PHF7: variants seen among roughly 807,000 people sequenced by gnomAD.
The protein encoded by PHF7 is E3 ubiquitin-protein ligase PHF7.
A neutral mutation model predicts 47.5 loss-of-function variants in PHF7; 24 were observed. The observed-to-expected ratio is 0.51, with a 90% CI of 0.37 to 0.71. PHF7 has a LOEUF of 0.71. Among genes scored for constraint, PHF7 ranks in the 30% least tolerant of loss-of-function variants. The probability of loss-of-function intolerance (pLI) is 0.00; values close to 1 mark genes in which losing one functional copy is unlikely to be tolerated. For missense variants in PHF7, 361 were observed against 456.8 expected, an observed-to-expected ratio of 0.79 and a Z score of 1.91; for synonymous variants, 156 against 153.8, an observed-to-expected ratio of 1.01 and a Z score of -0.11.
In PHF7 at chr3:52,422,249, G is replaced by A; in HGVS notation, c.708G>A (p.Gly236=). Residue 236 remains glycine, a synonymous_variant, in exon 9 of 11, where the codon GGG becomes GGA. Coordinates refer to ENST00000327906, the MANE Select transcript of PHF7 (RefSeq NM_016483.7). ...DRDAAWELEP[G]AFSDLYQRYQ... is the part of the protein sequence containing the mutation. ...ATGCTGCCTGGGAACTCGAGCCAGG[G>A]GCTTTCTCAGACTTATATCAGCGCT... 1 of 1,613,754 alleles carries A rather than the reference G, an allele frequency of 6.2e-7. No homozygotes were observed. Among genetic ancestry groups the A allele is most frequent in the Non-Finnish European group, 8.5e-7 (1 of 1,179,668 alleles).
chr3:52,411,558 G>A (rs1415318940), intron 1 of PHF7, among the ~76,000 whole-genome samples: 1 of 152,222 alleles, frequency 6.6e-6, no homozygotes, highest in Non-Finnish European at 1.5e-5. Flanking sequence ...AGATATTCCC[G>A]ATCTCCAGCC....
chr3:52,418,730 G>A (rs1006120297), intron 4 of PHF7, among the ~76,000 whole-genome samples: 2 of 152,054 alleles, frequency 1.3e-5, no homozygotes, highest in African/African-American at 2.4e-5. Context: ...ACCCTGGGAG[G>A]CAGTGTCACT....
rs1362491568 is a variant in PHF7 at position 52,423,260 on chromosome 3, C to A, written c.1089C>A (p.Ser363Arg). The change falls in exon 11 of 11, where the codon AGC becomes AGA. Residue 363 changes from serine to arginine, a missense_variant. Physicochemically the swap from Ser to Arg is moderately radical, Grantham distance 110. Transcript: ENST00000327906. ...EKPESSRGRR[S>R]YSWRSKGVRI... ...CAGAGTCCTCTCGTGGCAGGAGGAG[C>A]TACTCCTGGAGGTCCAAGGGTGTCA... 6.2e-7 allele frequency: 1 copy of A among 1,614,166 alleles called. No individual in the cohort carries two copies. The highest frequency in any genetic ancestry group is 1.7e-5 in the Admixed American group (1 of 60,028).
At chr3:52,420,807 G>C (rs1356965518) in intron 6 of PHF7, 96 bp from the exon 7 acceptor site, 1 of 1,088,862 alleles carries the variant, frequency 9.2e-7, no homozygotes, top group African/African-American at 1.6e-5. Context: ...GGTTCACTGG[G>C]CACCAGCCTG....
At chr3:52,419,983 C>A in intron 5 of PHF7, 49 bp downstream of exon 5, 1 of 1,021,886 alleles carries the variant, frequency 9.8e-7, no homozygotes, top group Non-Finnish European at 1.5e-6. Flanking sequence ...CTTTTCATAC[C>A]TCACCCATCA....
At chr3:52,413,478 A>G (rs1376934715) in intron 2 of PHF7, among the ~76,000 whole-genome samples, 1 of 152,190 alleles carries the variant, frequency 6.6e-6, no homozygotes, top group East Asian at 1.9e-4. Context: ...GGGGAGAGAA[A>G]GATGCTTACA....
At chr3:52,422,050 T>C (rs1332759521) in intron 8 of PHF7, 172 bp from the exon 9 acceptor site, 9 of 653,938 alleles carry the variant, frequency 1.4e-5, no homozygotes, top group Non-Finnish European at 2.2e-5. Context: ...CCATTCATCC[T>C]GCTTCAACCC....
rs978709393 is a variant in PHF7, at chr3:52,412,702, A to C, written c.-69-109A>C. 37 of 615,450 alleles carry C rather than the reference A, an allele frequency of 6.0e-5. 1 individual carries two copies. In the Admixed American group the frequency reaches 1.0e-3, roughly 17 times the overall value. The allele number at this position is 615,450 out of a possible 1,614,324, so 38.1% of individuals were successfully genotyped here. A position where few individuals can be genotyped will look rare whatever the true frequency, so the allele number is the denominator to read the frequency against. Reference sequence around the variant, plus strand: ...TCAAGTACCTAGAACAGTCCCTTTTATTCCATCACATGGGTTGGGAGGTGA... The same window carrying C: ...TCAAGTACCTAGAACAGTCCCTTTTCTTCCATCACATGGGTTGGGAGGTGA... On this transcript the variant is annotated intron_variant, in intron 1 of 10. Transcript: ENST00000327906.
chr3:52,414,730 TG>T, intron 4 of PHF7, 143 bp downstream of exon 4: 1 of 445,670 alleles, frequency 2.2e-6, no homozygotes. Flanking sequence ...ATTTTTAGGC[TG>T]GGTGCAGTGG....
intron 4 of PHF7, among the ~76,000 whole-genome samples, chr3:52,416,166 A>G (rs1419529453): frequency 6.7e-6 from 1 of 148,660 alleles, no homozygotes. Flanking sequence ...TTGGCCATTC[A>G]CATATTTTCT....
At chr3:52,418,057 G>T (rs1705674284) in intron 4 of PHF7, among the ~76,000 whole-genome samples, 1 of 152,044 alleles carries the variant, frequency 6.6e-6, no homozygotes, top group African/African-American at 2.4e-5. Flanking sequence ...TGTTAATGTA[G>T]TTTGTTACAT....
intron 4 of PHF7, among the ~76,000 whole-genome samples, chr3:52,416,414 G>T (rs1471234789): frequency 6.6e-6 from 1 of 150,928 alleles, no homozygotes; most frequent in Non-Finnish European, 1.5e-5. Flanking sequence ...TCGATCTCTT[G>T]ACCTCGTGAT....
chr3:52,422,954 G>A, intron 10 of PHF7, 73 bp downstream of exon 10: 1 of 1,595,522 alleles, frequency 6.3e-7, no homozygotes, highest in African/African-American at 1.3e-5. Context: ...TGGGAAAGGA[G>A]GAAGACATCC....
chr3:52,422,920 G>A (rs1418439347), intron 10 of PHF7, 39 bp downstream of exon 10: 1 of 1,612,886 alleles, frequency 6.2e-7, no homozygotes, highest in Admixed American at 1.7e-5. Flanking sequence ...GAGCAAGGAG[G>A]GGGCTGTAGG....
chr3:52,416,572 C>T (rs1705632695), intron 4 of PHF7, among the ~76,000 whole-genome samples: 3 of 151,360 alleles, frequency 2.0e-5, no homozygotes, highest in Admixed American at 6.6e-5. Flanking sequence ...CAGTGGCTCA[C>T]GCCTGTAATC....
At position 52,421,008 on chromosome 3, in the gene PHF7, G is replaced by A; in HGVS notation, c.519G>A (p.Glu173=). The change falls in exon 7 of 11, where the codon GAG becomes GAA. Residue 173 remains glutamate (E), a synonymous_variant. Coordinates refer to ENST00000327906, the MANE Select transcript of PHF7 (RefSeq NM_016483.7). ...AAGACTTATCCCAACAGAGTGTTGAGAACATCCAGAGCCCGTGTTGTAGTC... is the reference window on the plus strand; with the variant it reads ...AAGACTTATCCCAACAGAGTGTTGAAAACATCCAGAGCCCGTGTTGTAGTC... ...CCEDLSQQSV[E]NIQSPCCSQA... is the part of the protein sequence containing the mutation. 6.2e-7 allele frequency: 1 copy of A among 1,613,692 alleles called. No homozygotes were observed. The highest frequency in any genetic ancestry group is 1.1e-5 in the South Asian group (1 of 91,008).
intron 4 of PHF7, among the ~76,000 whole-genome samples, chr3:52,415,485 C>T (rs1332253179): frequency 6.6e-6 from 1 of 152,178 alleles, no homozygotes; most frequent in Non-Finnish European, 1.5e-5. Flanking sequence ...AAATAACCAC[C>T]ACCCCAATCA....
In PHF7 at chr3:52,423,426, C is replaced by G. The variant is rs964182444; in HGVS notation, c.*109C>G. 1.9e-5 allele frequency: 13 copies of G among 681,398 alleles called. No individual in the cohort carries two copies. Among genetic ancestry groups the G allele is most frequent in the Admixed American group, 2.7e-5 (1 of 36,842 alleles). The allele number at this position is 681,398 out of a possible 1,614,324, so 42.2% of individuals were successfully genotyped here. ...CTGTGAGACAAGGAAGCAGGGCCAG[C>G]AGTGAGACTATGAGCCAAGCAAAGA... On this transcript the variant is annotated 3_prime_UTR_variant, in exon 11 of 11. Transcript: ENST00000327906.
At chr3:52,412,440 A>AGG in intron 1 of PHF7, among the ~76,000 whole-genome samples, 1 of 152,198 alleles carries the variant, frequency 6.6e-6, no homozygotes, top group Non-Finnish European at 1.5e-5. Context: ...AGAAACAACC[A>AGG]TTTAGCTAGG....
Sources: gnomAD v4.1 joint callset for allele counts (sites outside exome capture counted in the v4.1 genomes callset) on GRCh38, gnomAD v4.1.1 for gene constraint, MANE v1.5 for transcripts, NCBI Gene and HGNC (gene_info 2026-07-23, HGNC 2026-07-21) for gene names.